HTT: variants seen among roughly 807,000 people sequenced by gnomAD.
The protein encoded by HTT is huntington disease protein.
HTT carries 104 observed loss-of-function variants against 362.3 expected under a neutral mutation model. That is an observed-to-expected ratio of 0.29 (90% confidence interval 0.24 to 0.34). HTT has a LOEUF of 0.34. Among genes scored for constraint, HTT ranks in the 10% least tolerant of loss-of-function variants. The pLI, the probability that HTT is intolerant of heterozygous loss-of-function variation, is 1.00. For synonymous variants in HTT, 1,577 were observed against 1,548.7 expected, an observed-to-expected ratio of 1.02 and a Z score of -0.43; for missense variants, 3,301 against 3,928.6, an observed-to-expected ratio of 0.84 and a Z score of 4.27.
In HTT at chr4:3,239,978, T is replaced by C. The variant is rs751535347; in HGVS notation, c.9348T>C (p.Leu3116=). 74 of 1,599,892 alleles carry C rather than the reference T, an allele frequency of 4.6e-5. No individual in the cohort carries two copies. In the East Asian group the frequency reaches 1.7e-3, roughly 36 times the overall value. ...ACCGCAGGGCCTTCCAGTCTGTGCT[T>C]GAGGTGGTTGCAGCCCCAGGAAGCC... The part of the protein sequence containing the change: ...ELDRRAFQSV[L]EVVAAPGSPY... Residue 3116 remains leucine (L), a synonymous_variant, in exon 67 of 67, where the codon CTT becomes CTC. Transcript: ENST00000355072.
chr4:3,175,161 T>A lies in HTT; in HGVS notation c.4407+54T>A, dbSNP rs886912392. 2.0e-6 allele frequency: 3 copies of A among 1,495,728 alleles called. No individual in the cohort carries two copies. The African/African-American group carries it at 4.2e-5, about 21-fold the overall frequency. 92.7% of individuals were successfully genotyped at this position (1,495,728 alleles called of 1,614,324 possible). On this transcript the variant is annotated intron_variant, in intron 33 of 66. Transcript: ENST00000355072. ...TACCTGTTCCTAATTTAGTACAAAT[T>A]ACCCTAAAAGACACTGAAATCTACT...
intron 57 of HTT, among the ~76,000 whole-genome samples, chr4:3,227,252 C>G (rs1459296950): frequency 1.3e-5 from 2 of 148,564 alleles, no homozygotes; most frequent in African/African-American, 5.0e-5. Context: ...AGTGCCACCC[C>G]TGCCCTGTCT....
At chr4:3,207,220 G>A in intron 44 of HTT, 61 bp from the exon 45 acceptor site, 2 of 1,421,572 alleles carry the variant, frequency 1.4e-6, no homozygotes, top group South Asian at 1.2e-5. Flanking sequence ...TTTTAAATGA[G>A]CATGAGGTTA....
At chr4:3,204,584 C>T (rs923213989) in intron 42 of HTT, among the ~76,000 whole-genome samples, 10 of 152,102 alleles carry the variant, frequency 6.6e-5, no homozygotes, top group Non-Finnish European at 1.5e-4. Context: ...TCCAGCAACT[C>T]GAGAGGCTGA....
chr4:3,167,642 G>GTT (rs1438645858), intron 29 of HTT, among the ~76,000 whole-genome samples: 2 of 151,990 alleles, frequency 1.3e-5, no homozygotes, highest in African/African-American at 2.4e-5. Flanking sequence ...GTCAGTGAAT[G>GTT]TATCAAATGC....
intron 10 of HTT, 51 bp downstream of exon 10, chr4:3,122,987 G>A (rs1715361337): frequency 7.0e-7 from 1 of 1,420,762 alleles, no homozygotes; most frequent in Non-Finnish European, 9.9e-7. Context: ...TGATTTTCTT[G>A]TATTTCTGTA....
At chr4:3,114,894 G>A (rs1203527440) in intron 6 of HTT, among the ~76,000 whole-genome samples, 10 of 152,160 alleles carry the variant, frequency 6.6e-5, no homozygotes, top group Admixed American at 6.5e-4. Flanking sequence ...TGAGAACTTC[G>A]TGACATTAGC....
chr4:3,157,122 T>A lies in HTT; in HGVS notation c.3676T>A (p.Ser1226Thr). Residue 1226 changes from serine (S) to threonine (T), a missense_variant, in exon 28 of 67, where the codon TCA (serine) becomes ACA (threonine). Coordinates refer to ENST00000355072, the MANE Select transcript of HTT (RefSeq NM_001388492.1). ...TCCTGTTACAACAAGTAAATCCTCATCACTGGGGAGTTTCTATCATCTTCC... is the reference window on the plus strand; with the variant it reads ...TCCTGTTACAACAAGTAAATCCTCAACACTGGGGAGTTTCTATCATCTTCC... Reference protein sequence around the residue: ...SGPVTTSKSSSLGSFYHLPSY... With the variant: ...SGPVTTSKSSTLGSFYHLPSY... 6 of 1,612,964 alleles carry A rather than the reference T, an allele frequency of 3.7e-6. No homozygotes were observed. Among genetic ancestry groups the A allele is most frequent in the Non-Finnish European group, 4.2e-6 (5 of 1,178,966 alleles).
chr4:3,180,408 G>C, intron 35 of HTT, 107 bp from the exon 36 acceptor site: 1 of 1,013,926 alleles, frequency 9.9e-7, no homozygotes, highest in Non-Finnish European at 1.4e-6. Flanking sequence ...CCAAGTATGT[G>C]TAAGGGTTTT....
rs140979048 is a variant in HTT at position 3,132,832 on chromosome 4, C to T, written c.2414C>T (p.Ala805Val). 2.1e-5 allele frequency: 34 copies of T among 1,613,890 alleles called. No homozygotes were observed. The East Asian group carries it at 2.7e-4, about 13-fold the overall frequency. Residue 805 changes from alanine to valine, a missense_variant, in exon 18 of 67, where the codon GCG becomes GTG. Transcript: ENST00000355072. ...RTLTGNTFSL[A>V]DCIPLLRKTL... ...TGGTTAGGAAATACATTTTCTTTGG[C>T]GGATTGCATTCCTTTGCTGCGGAAA...
rs41264721 is a variant in HTT, at chr4:3,131,764, C to T, written c.2225C>T (p.Thr742Met). The T allele has an allele frequency of 5.1e-5, 82 of 1,612,864 alleles. No individual in the cohort carries two copies. Among genetic ancestry groups the T allele is most frequent in the Middle Eastern group, 1.7e-4 (1 of 6,034 alleles). Residue 742 changes from threonine to methionine, a missense_variant, in exon 16 of 67, where the codon ACG becomes ATG. Around this residue, in one of 4 missense-constraint regions of HTT, gnomAD observed 2,316 missense variants for 2,658.5 expected, o/e 0.87. Transcript: ENST00000355072. ...SKLYKVPLDT[T>M]EYPEEQYVSD... ...CTCTATAAAGTTCCTCTTGACACCA[C>T]GGAATACCCTGGTATGTTAAAAGTT...
chr4:3,236,122 C>A, intron 63 of HTT, 27 bp from the exon 64 acceptor site: 4 of 1,542,896 alleles, frequency 2.6e-6, no homozygotes, highest in Non-Finnish European at 3.6e-6. Flanking sequence ...ATAGAGGTAA[C>A]CTTCGTACTG....
chr4:3,103,942 G>C, intron 4 of HTT, 59 bp downstream of exon 4: 1 of 954,610 alleles, frequency 1.0e-6, no homozygotes, highest in East Asian at 2.5e-5. Context: ...ATAGGTACAC[G>C]TATTTTGTAG....
chr4:3,129,357 A>G (rs1007768002), intron 12 of HTT: 12 of 153,156 alleles, frequency 7.8e-5, no homozygotes, highest in African/African-American at 2.9e-4. Flanking sequence ...GTAGTTAACA[A>G]ACTTAATAAA....
chr4:3,120,487 G>A (rs947321962), intron 8 of HTT, among the ~76,000 whole-genome samples: 3 of 152,236 alleles, frequency 2.0e-5, no homozygotes, highest in Non-Finnish European at 2.9e-5. Context: ...CTGCAGAGCG[G>A]TATTGGTCCA....
chr4:3,201,775 C>T (rs1184240396), intron 41 of HTT, among the ~76,000 whole-genome samples: 1 of 152,098 alleles, frequency 6.6e-6, no homozygotes, highest in Non-Finnish European at 1.5e-5. Context: ...TGTGTTTTTC[C>T]AGCTGTGGGT....
At chr4:3,124,510 C>T (rs1374133516) in intron 10 of HTT, among the ~76,000 whole-genome samples, 1 of 152,096 alleles carries the variant, frequency 6.6e-6, no homozygotes, top group African/African-American at 2.4e-5. Context: ...TGGGGGTGTC[C>T]TGGAGCCTCT....
At chr4:3,178,621 A>T (rs998537817) in intron 35 of HTT, among the ~76,000 whole-genome samples, 175 bp downstream of exon 35, 1 of 152,224 alleles carries the variant, frequency 6.6e-6, no homozygotes, top group African/African-American at 2.4e-5. Flanking sequence ...AGAAGAGAGC[A>T]TATTCTTTAC....
intron 16 of HTT, 131 bp downstream of exon 16, chr4:3,131,906 G>A: frequency 1.2e-6 from 1 of 812,828 alleles, no homozygotes; most frequent in African/African-American, 1.7e-5. Flanking sequence ...CTGCGTTGTA[G>A]CTCTTCAGAA....
Sources: allele counts gnomAD v4.1 joint callset (sites outside exome capture counted in the v4.1 genomes callset), GRCh38; gene constraint gnomAD v4.1.1; regional missense constraint gnomAD v4.1.1; transcripts MANE v1.5; gene names NCBI Gene and HGNC (gene_info 2026-07-23, HGNC 2026-07-21).